Variants in SSBP2 observed in about 807,000 individuals in gnomAD.
The protein encoded by SSBP2 is single-stranded DNA-binding protein 2.
In SSBP2, 17 loss-of-function variants were observed where a neutral mutation model predicts 61.8. The observed-to-expected ratio is 0.28, with a 90% CI of 0.19 to 0.41. The LOEUF is 0.41. Ranked by LOEUF, SSBP2 falls within the 10% of genes least tolerant of loss-of-function variation. SSBP2 has a pLI of 1.00. For missense variants in SSBP2, 310 were observed against 458.7 expected, an observed-to-expected ratio of 0.68 and a Z score of 2.96; for synonymous variants, 139 against 141.3, an observed-to-expected ratio of 0.98 and a Z score of 0.12.
chr5:81,687,265 C>T (rs1049795859), intron 1 of SSBP2, among the ~76,000 whole-genome samples: 30 of 152,216 alleles, frequency 2.0e-4, no homozygotes, highest in Non-Finnish European at 2.9e-5. Flanking sequence ...CAACACCGAA[C>T]AGAACTCAGT....
intron 1 of SSBP2, among the ~76,000 whole-genome samples, chr5:81,700,575 G>A (rs1753915224): frequency 6.6e-6 from 1 of 152,196 alleles, no homozygotes; most frequent in Admixed American, 6.5e-5. Context: ...ACTTTCTCTA[G>A]CTGTGAAGTC....
At chr5:81,502,052 C>G (rs894737122) in intron 5 of SSBP2, among the ~76,000 whole-genome samples, 3 of 152,108 alleles carry the variant, frequency 2.0e-5, no homozygotes, top group African/African-American at 4.8e-5. Flanking sequence ...CCACCTACTG[C>G]CTCATTTTTC....
intron 10 of SSBP2, among the ~76,000 whole-genome samples, chr5:81,452,295 T>A (rs1331713544): frequency 6.6e-6 from 1 of 152,164 alleles, no homozygotes; most frequent in Non-Finnish European, 1.5e-5. Context: ...CCTTTTTTAT[T>A]TTTAAATATT....
At chr5:81,649,390 G>A (rs1436497) in intron 2 of SSBP2, among the ~76,000 whole-genome samples, 3,260 of 152,066 alleles carry the variant, frequency 0.021, 87 homozygotes, top group East Asian at 0.11. Flanking sequence ...GCCTATCAGT[G>A]GTGGATTAGA....
At chr5:81,470,981 T>C (rs1765213198) in intron 8 of SSBP2, among the ~76,000 whole-genome samples, 2 of 151,926 alleles carry the variant, frequency 1.3e-5, no homozygotes, top group Non-Finnish European at 1.5e-5. Context: ...TACTATCTTA[T>C]AAATATGACT....
At chr5:81,630,643 A>G (rs1478046495) in intron 3 of SSBP2, among the ~76,000 whole-genome samples, 1 of 152,096 alleles carries the variant, frequency 6.6e-6, no homozygotes, top group Non-Finnish European at 1.5e-5. Flanking sequence ...AGCTGAGTAA[A>G]AATTAAGTTA....
chr5:81,538,587 T>C (rs952310231), intron 4 of SSBP2, among the ~76,000 whole-genome samples: 3 of 152,206 alleles, frequency 2.0e-5, no homozygotes, highest in Non-Finnish European at 4.4e-5. Flanking sequence ...CAGAAGTCAA[T>C]GCATGCTTTC....
intron 4 of SSBP2, among the ~76,000 whole-genome samples, chr5:81,549,714 T>G (rs1391953540): frequency 6.6e-6 from 1 of 152,220 alleles, no homozygotes; most frequent in African/African-American, 2.4e-5. Context: ...TGATCATTTT[T>G]AAGCAATGTT....
chr5:81,664,573 A>G (rs1260912036), intron 1 of SSBP2, among the ~76,000 whole-genome samples: 1 of 152,080 alleles, frequency 6.6e-6, no homozygotes, highest in Non-Finnish European at 1.5e-5. Context: ...TTCAAGGAAA[A>G]AAGTTTTAAG....
chr5:81,585,382 G>T (rs1279981622), intron 4 of SSBP2, among the ~76,000 whole-genome samples: 3 of 151,600 alleles, frequency 2.0e-5, no homozygotes, highest in Non-Finnish European at 2.9e-5. Flanking sequence ...GATAATCCTA[G>T]ATATAAGATA....
At chr5:81,621,695 T>C (rs1746573289) in intron 3 of SSBP2, among the ~76,000 whole-genome samples, 1 of 53,964 alleles carries the variant, frequency 1.9e-5, no homozygotes, top group Admixed American at 2.5e-4. Context: ...AGCAAAGACT[T>C]GGAACCAACC....
chr5:81,545,572 T>C (rs1340987620), intron 4 of SSBP2, among the ~76,000 whole-genome samples: 3 of 152,188 alleles, frequency 2.0e-5, no homozygotes, highest in Non-Finnish European at 4.4e-5. Flanking sequence ...AGGCACAGTA[T>C]ACACAACAAC....
chr5:81,437,178 G>A (rs1762725956), intron 15 of SSBP2, among the ~76,000 whole-genome samples: 1 of 151,758 alleles, frequency 6.6e-6, no homozygotes, highest in Admixed American at 6.6e-5. Flanking sequence ...TTACTTGGGT[G>A]TCAACTAATA....
chr5:81,652,624 G>C (rs1046851419), intron 1 of SSBP2, among the ~76,000 whole-genome samples: 2 of 152,046 alleles, frequency 1.3e-5, no homozygotes, highest in Admixed American at 1.3e-4. Context: ...AATCTCCTTT[G>C]AACAAAATTA....
chr5:81,458,227 G>C (rs1380380476), intron 10 of SSBP2, among the ~76,000 whole-genome samples: 1 of 152,160 alleles, frequency 6.6e-6, no homozygotes, highest in Non-Finnish European at 1.5e-5. Flanking sequence ...TGTTTGAAAA[G>C]ATTATTGAGC....
intron 8 of SSBP2, 48 bp from the exon 9 acceptor site, chr5:81,467,113 GGA>G: frequency 8.0e-7 from 1 of 1,253,896 alleles, no homozygotes; most frequent in Non-Finnish European, 1.1e-6. Flanking sequence ...GGGAAAGAAA[GGA>G]GAGCACGTTA....
chr5:81,535,537 G>A (rs559252978), intron 4 of SSBP2, among the ~76,000 whole-genome samples: 5 of 152,082 alleles, frequency 3.3e-5, no homozygotes, highest in South Asian at 2.1e-4. Flanking sequence ...AAGATAATAC[G>A]GTATTGGAAG....
intron 10 of SSBP2, among the ~76,000 whole-genome samples, chr5:81,458,412 A>G (rs1339769225): frequency 6.6e-6 from 1 of 152,240 alleles, no homozygotes; most frequent in African/African-American, 2.4e-5. Flanking sequence ...CAGTTTAAAA[A>G]TACGTTTATG....
chr5:81,437,590 G>T, intron 14 of SSBP2, 132 bp from the exon 15 acceptor site: 1 of 743,460 alleles, frequency 1.3e-6, no homozygotes, highest in Non-Finnish European at 2.1e-6. Context: ...TTTTAAATCT[G>T]AAAAAATTCC....
Sources: allele counts gnomAD v4.1 joint callset (sites outside exome capture counted in the v4.1 genomes callset), GRCh38; gene constraint gnomAD v4.1.1; transcripts MANE v1.5; gene names NCBI Gene and HGNC (gene_info 2026-07-23, HGNC 2026-07-21).